Variants in FILIP1L observed in about 807,000 individuals in gnomAD.
FILIP1L encodes filamin A interacting protein 1 like, also known as filamin A-interacting protein 1-like.
FILIP1L carries 55 observed loss-of-function variants against 96.6 expected under a neutral mutation model. The ratio of observed to expected loss-of-function variants is 0.57; its 90% CI spans 0.46 to 0.71. The LOEUF is 0.71. Among genes scored for constraint, FILIP1L ranks in the 30% least tolerant of loss-of-function variants. The pLI, the probability that FILIP1L is intolerant of heterozygous loss-of-function variation, is 0.00. For synonymous variants in FILIP1L, 467 were observed against 473.9 expected (o/e 0.99, Z 0.19); for missense variants, 1,304 against 1,321.2 (o/e 0.99, Z 0.20).
chr3:100,087,099 C>A (rs1015181409), intron 1 of FILIP1L, among the ~76,000 whole-genome samples: 2 of 152,126 alleles, frequency 1.3e-5, no homozygotes, highest in South Asian at 4.1e-4. Flanking sequence ...AATCCAATTA[C>A]GAGTTGAAGG....
Position 99,924,417 on chromosome 3 carries a change from G to A in FILIP1L, c.427-9C>T. On this transcript the variant is annotated splice_polypyrimidine_tract_variant and intron_variant, in intron 3 of 5. Coordinates refer to ENST00000477258, the MANE Select transcript of FILIP1L (RefSeq NM_001387850.1). The stretch of plus-strand genomic sequence containing the variant: ...TCCACAACTTTGTCCAACTACGAAA[G>A]AAAACATTTATAGCCTGTTACCAAA... 2.5e-6 allele frequency: 4 copies of A among 1,612,968 alleles called. No individual in the cohort carries two copies. Among genetic ancestry groups the A allele is most frequent in the Middle Eastern group, 1.7e-4 (1 of 6,060 alleles).
In FILIP1L at chr3:99,873,152, A is replaced by G. The variant is rs142159512; in HGVS notation, c.606-22082T>C. Among the ~76,000 whole-genome samples the G allele has an allele frequency of 4.5e-3, 686 of 152,328 alleles. 7 individuals are homozygous for G. The highest frequency in any genetic ancestry group is 0.016 in the African/African-American group (672 of 41,564). On this transcript the variant is annotated intron_variant, in intron 4 of 5. Coordinates refer to ENST00000477258, the MANE Select transcript of FILIP1L (RefSeq NM_001387850.1). ...GGTGATGACAGCAGCAACCACAGAA[A>G]TATTGCTTTGAAGGTTTGTGATGCT...
chr3:99,904,968 T>C (rs1706564792), intron 4 of FILIP1L, among the ~76,000 whole-genome samples: 1 of 152,128 alleles, frequency 6.6e-6, no homozygotes, highest in Non-Finnish European at 1.5e-5. Flanking sequence ...TCTGAAGAAA[T>C]TGTTCTCTCA....
At chr3:99,936,141 G>C (rs1182974208) in intron 1 of FILIP1L, among the ~76,000 whole-genome samples, 2 of 151,792 alleles carry the variant, frequency 1.3e-5, no homozygotes, top group African/African-American at 4.8e-5. Flanking sequence ...GGATATTTTT[G>C]CTTGTATCAA....
chr3:99,839,319 A>C (rs1943031040), intron 5 of FILIP1L, among the ~76,000 whole-genome samples: 2 of 152,158 alleles, frequency 1.3e-5, no homozygotes, highest in Non-Finnish European at 2.9e-5. Context: ...GCTGCCTGGC[A>C]CAATAATGAG....
rs539828632 is a variant in FILIP1L, at chr3:99,882,673, G to A, written c.606-31603C>T. ...ACAGTAAATTGGTGACCCAGTCACT[G>A]TGTTTTCTGGGACTGAATGTTTCTT... On this transcript the variant is annotated intron_variant, in intron 4 of 5. Transcript: ENST00000477258. 1.1e-4 allele frequency among the ~76,000 whole-genome samples: 16 copies of A among 152,300 alleles called. 1 individual carries two copies. In the South Asian group the frequency reaches 3.3e-3, roughly 32 times the overall value.
At position 100,110,988 on chromosome 3, in the gene FILIP1L, T is replaced by C. The variant is rs79646263; in HGVS notation, c.-11+3065A>G. On this transcript the variant is annotated intron_variant, in intron 1 of 5. Transcript: ENST00000477258. ...TCCTGTCCTAAACAGTCACAAACTT[T>C]TTAAAATCTTATTACTCAGAATAAT... Among the ~76,000 whole-genome samples, 432 of 152,304 alleles carry C rather than the reference T, an allele frequency of 2.8e-3. 1 individual carries two copies. Among genetic ancestry groups the C allele is most frequent in the African/African-American group, 9.1e-3 (379 of 41,572 alleles).
At chr3:100,016,893 T>A (rs951460322) in intron 1 of FILIP1L, among the ~76,000 whole-genome samples, 8 of 152,230 alleles carry the variant, frequency 5.3e-5, no homozygotes, top group Non-Finnish European at 1.0e-4. Flanking sequence ...GAATTAGTTG[T>A]GTCCAAAATA....
chr3:99,862,994 T>C (rs1044884944), intron 4 of FILIP1L, among the ~76,000 whole-genome samples: 2 of 152,208 alleles, frequency 1.3e-5, no homozygotes, highest in African/African-American at 4.8e-5. Flanking sequence ...ATTTTTTGGA[T>C]GTGAATGTGT....
chr3:99,923,416 A>T (rs185844944), intron 4 of FILIP1L, among the ~76,000 whole-genome samples: 1 of 152,330 alleles, frequency 6.6e-6, no homozygotes, highest in African/African-American at 2.4e-5. Flanking sequence ...TCAAAATCCT[A>T]CAACACAGAA....
chr3:100,051,726 G>A (rs1184526390), intron 1 of FILIP1L, among the ~76,000 whole-genome samples: 1 of 151,694 alleles, frequency 6.6e-6, no homozygotes, highest in Non-Finnish European at 1.5e-5. Context: ...TGGTGTACAT[G>A]TGCCACATTT....
chr3:99,959,059 CAG>C (rs1259663101), intron 1 of FILIP1L, among the ~76,000 whole-genome samples: 1 of 152,016 alleles, frequency 6.6e-6, no homozygotes, highest in African/African-American at 2.4e-5. Flanking sequence ...ATAAATGTAA[CAG>C]AATTTGAAAA....
chr3:99,953,389 C>T (rs1262393597), intron 1 of FILIP1L, among the ~76,000 whole-genome samples: 1 of 152,068 alleles, frequency 6.6e-6, no homozygotes, highest in East Asian at 1.9e-4. Flanking sequence ...CAATGAAATT[C>T]TAAGGAAGTG....
chr3:99,838,123 A>G (rs898304825), intron 5 of FILIP1L, among the ~76,000 whole-genome samples: 3 of 152,226 alleles, frequency 2.0e-5, no homozygotes, highest in South Asian at 2.1e-4. Context: ...CTTTGCTTAT[A>G]GAATCTTACC....
intron 4 of FILIP1L, among the ~76,000 whole-genome samples, chr3:99,903,149 G>A (rs1277245837): frequency 1.3e-5 from 2 of 152,074 alleles, no homozygotes; most frequent in Non-Finnish European, 2.9e-5. Flanking sequence ...CTCTCTCATA[G>A]GGTTGTTATG....
At position 100,069,066 on chromosome 3, in the gene FILIP1L, A is replaced by G. The variant is rs918848858; in HGVS notation, c.-11+44987T>C. On this transcript the variant is annotated intron_variant, in intron 1 of 5. Transcript: ENST00000477258. ...GGCACTTCATAATAGATCAGTTGAT[A>G]TACTTGAAAGTCTCATACAAGTCTG... Among the ~76,000 whole-genome samples, 27 of 152,180 alleles carry G rather than the reference A, an allele frequency of 1.8e-4. 1 individual carries two copies. Among genetic ancestry groups the G allele is most frequent in the Non-Finnish European group, 3.5e-4 (24 of 68,040 alleles).
At chr3:99,901,125 C>T (rs968913147) in intron 4 of FILIP1L, among the ~76,000 whole-genome samples, 1 of 152,154 alleles carries the variant, frequency 6.6e-6, no homozygotes, top group African/African-American at 2.4e-5. Context: ...TTATTTAATA[C>T]AAATCAAGTA....
In FILIP1L at chr3:99,848,445, A is replaced by G. The variant is rs372920695; in HGVS notation, c.3231T>C (p.Pro1077=). ...GSPYMQAVAS[P]VRPASPSAPL... Reference sequence around the variant, plus strand: ...GTGCTGAAGGGCTGGCAGGTCTCACAGGGCTGGCTACAGCTTGCATGTAAG... The same window carrying G: ...GTGCTGAAGGGCTGGCAGGTCTCACGGGGCTGGCTACAGCTTGCATGTAAG... Residue 1077 remains proline (P), a synonymous_variant, in exon 5 of 6, where the codon CCT becomes CCC. Transcript: ENST00000477258. 69 of 1,614,170 alleles carry G rather than the reference A, an allele frequency of 4.3e-5. No individual in the cohort carries two copies. The highest frequency in any genetic ancestry group is 1.7e-4 in the Middle Eastern group (1 of 6,060).
At chr3:100,080,010 AT>A (rs1327901767) in intron 1 of FILIP1L, among the ~76,000 whole-genome samples, 22 of 152,230 alleles carry the variant, frequency 1.4e-4, no homozygotes, top group Non-Finnish European at 3.1e-4. Context: ...GCAACTCAGA[AT>A]TCACCATATG....
Sources: gnomAD v4.1 joint callset for allele counts (sites outside exome capture counted in the v4.1 genomes callset) on GRCh38, gnomAD v4.1.1 for gene constraint, MANE v1.5 for transcripts, NCBI Gene and HGNC (gene_info 2026-07-23, HGNC 2026-07-21) for gene names.